PHACTR2: variants seen among roughly 807,000 people sequenced by gnomAD.
The protein encoded by PHACTR2 is chromosome 6 open reading frame 56.
In PHACTR2, 30 loss-of-function variants were observed where a neutral mutation model predicts 76.0. The observed-to-expected ratio is 0.39, with a 90% CI of 0.30 to 0.54. PHACTR2 has a LOEUF of 0.54. Among genes scored for constraint, PHACTR2 ranks in the 20% least tolerant of loss-of-function variants. The probability of loss-of-function intolerance (pLI) is 0.61; values close to 1 mark genes in which losing one functional copy is unlikely to be tolerated. For missense variants in PHACTR2, 696 were observed against 781.1 expected, an observed-to-expected ratio of 0.89 and a Z score of 1.30; for synonymous variants, 292 against 292.5, an observed-to-expected ratio of 1.00 and a Z score of 0.02.
chr6:143,562,511 C>T lies in PHACTR2; in HGVS notation c.217+25304C>T, dbSNP rs184546869. ...CTGCTCCCATGACGCAAACACCTCC[C>T]ACCAGGCCCCACCTCCAGCACTGGG... On this transcript the variant is annotated intron_variant, in intron 1 of 11. Transcript: ENST00000367584. The surrounding 1 kb of genome is among the most constrained non-coding windows in gnomAD (Gnocchi z 5.1). 7.2e-5 allele frequency among the ~76,000 whole-genome samples: 11 copies of T among 152,238 alleles called. No individual in the cohort carries two copies. The Middle Eastern group carries it at 0.01, about 141-fold the overall frequency.
In PHACTR2 at chr6:143,775,900, G is replaced by A. The variant is rs952660957; in HGVS notation, c.1590-1428G>A. On this transcript the variant is annotated intron_variant, in intron 8 of 12. Coordinates refer to ENST00000440869, the MANE Select transcript of PHACTR2 (RefSeq NM_001100164.2). This position sits in a 1 kb window ranked among gnomAD's most constrained non-coding sequence, Gnocchi z 4.4. ...AATCCCAGCACTTTGGGAGGCCAAG[G>A]CAGGCAGATCACCTGAGGTCAGGAG... Among the ~76,000 whole-genome samples the A allele has an allele frequency of 4.6e-5, 7 of 152,088 alleles. No homozygotes were observed. Among genetic ancestry groups the A allele is most frequent in the Non-Finnish European group, 8.8e-5 (6 of 68,000 alleles).
chr6:143,678,229 G>C lies in PHACTR2; in HGVS notation c.46+20G>C. 1 of 1,484,984 alleles carries C rather than the reference G, an allele frequency of 6.7e-7. No homozygotes were observed. Among genetic ancestry groups the C allele is most frequent in the South Asian group, 1.3e-5 (1 of 77,236 alleles). The allele number at this position is 1,484,984 out of a possible 1,614,324, so 92.0% of individuals were successfully genotyped here. On this transcript the variant is annotated intron_variant, in intron 1 of 12. Transcript: ENST00000440869. The surrounding 1 kb of genome is among the most constrained non-coding windows in gnomAD (Gnocchi z 6.2). ...GCAGCGGTGAGTCCGGGGCGCACGC[G>C]ATGCGCTCCCGCCGCGCGGGCGCAG...
intron 1 of PHACTR2, among the ~76,000 whole-genome samples, chr6:143,681,607 A>T (rs1374454336): frequency 6.6e-6 from 1 of 152,090 alleles, no homozygotes; most frequent in Non-Finnish European, 1.5e-5. Context: ...GCAGTTTATC[A>T]ATTTTTTTCT....
In PHACTR2 at chr6:143,739,210, G is replaced by A. The variant is rs9496764; in HGVS notation, c.215-9775G>A. Among the ~76,000 whole-genome samples the A allele has an allele frequency of 0.033, 5,068 of 152,122 alleles. 272 individuals are homozygous for A. Among genetic ancestry groups the A allele is most frequent in the African/African-American group, 0.12 (4,795 of 41,460 alleles). ...CTCCCAAGTAGCTGGGACTATAGGC[G>A]TGCACCACCACGCCCATCTAATTTT... On this transcript the variant is annotated intron_variant, in intron 2 of 12. Transcript: ENST00000440869. This position sits in a 1 kb window ranked among gnomAD's most constrained non-coding sequence, Gnocchi z 4.3.
chr6:143,692,943 G>C (rs952216623), intron 1 of PHACTR2, among the ~76,000 whole-genome samples: 5 of 152,116 alleles, frequency 3.3e-5, no homozygotes, highest in Admixed American at 2.6e-4. Context: ...GTGTCAGCAG[G>C]GTTAGCTTCT....
At position 143,625,581 on chromosome 6, in the gene PHACTR2, C is replaced by T. The variant is rs71564441; in HGVS notation, c.13+17259C>T. On this transcript the variant is annotated intron_variant, in intron 1 of 11. Coordinates refer to the PHACTR2 transcript ENST00000305766. This position sits in a 1 kb window ranked among gnomAD's most constrained non-coding sequence, Gnocchi z 4.3. ...GGTGTGTCTCCAATAGATGTAATAT[C>T]ACCAGTGACTGTGGGAACTTTGCAA... Among the ~76,000 whole-genome samples, 9,563 of 152,230 alleles carry T rather than the reference C, an allele frequency of 0.063. 324 individuals carry two copies. The highest frequency in any genetic ancestry group is 0.1 in the Middle Eastern group (30 of 294).
chr6:143,712,220 T>A, intron 2 of PHACTR2, 37 bp downstream of exon 2: 1 of 1,314,240 alleles, frequency 7.6e-7, no homozygotes, highest in Non-Finnish European at 1.0e-6. Context: ...ATGGGATAAA[T>A]TGTAAAACGT....
chr6:143,712,746 A>G (rs984290512), intron 2 of PHACTR2, among the ~76,000 whole-genome samples: 3 of 152,148 alleles, frequency 2.0e-5, no homozygotes, highest in Admixed American at 1.3e-4. Context: ...TTGATTTTAG[A>G]TTTCTATCAT....
intron 1 of PHACTR2, among the ~76,000 whole-genome samples, chr6:143,615,016 T>C (rs1430454294): frequency 6.6e-6 from 1 of 152,230 alleles, no homozygotes; most frequent in Admixed American, 6.5e-5. Flanking sequence ...CATATTTAGC[T>C]AAATGTCAAA....
Position 143,765,523 on chromosome 6 carries a change from T to C in PHACTR2, c.957T>C (p.Thr319=), listed in dbSNP as rs201869456. 101 of 1,614,234 alleles carry C rather than the reference T, an allele frequency of 6.3e-5. No homozygotes were observed. In the African/African-American group the frequency reaches 1.2e-3, roughly 20 times the overall value. Residue 319 remains threonine, a synonymous_variant, in exon 6 of 13, where the codon ACT becomes ACC. Coordinates refer to ENST00000440869, the MANE Select transcript of PHACTR2 (RefSeq NM_001100164.2). This position sits in a 1 kb window ranked among gnomAD's most constrained non-coding sequence, Gnocchi z 4.1. ...TGGAGAGTTTCAAACTCGAACAGAC[T>C]GTCCCTGGAGCTGAGGAGCAGAACA... The part of the protein sequence containing the change: ...TRVESFKLEQ[T]VPGAEEQNTG...
Position 143,627,943 on chromosome 6 carries a change from C to T in PHACTR2, c.13+19621C>T, listed in dbSNP as rs58709700. ...CCCTATACCCATTGTGCAGTCATGA[C>T]TATTGTCCCCCTCCCCCAGACTCTT... is the stretch of plus-strand genomic sequence containing the variant. On this transcript the variant is annotated intron_variant, in intron 1 of 11. Transcript: ENST00000305766. The surrounding 1 kb of genome is among the most constrained non-coding windows in gnomAD (Gnocchi z 4.3). Among the ~76,000 whole-genome samples, 2,533 of 152,240 alleles carry T rather than the reference C, an allele frequency of 0.017. 52 individuals are homozygous for T. The highest frequency in any genetic ancestry group is 0.058 in the African/African-American group (2,420 of 41,510).
rs1778902330 is a variant in PHACTR2, at chr6:143,739,859, CG to C, written c.215-9124del. On this transcript the variant is annotated intron_variant, in intron 2 of 12. Coordinates refer to ENST00000440869, the MANE Select transcript of PHACTR2 (RefSeq NM_001100164.2). The surrounding 1 kb of genome is among the most constrained non-coding windows in gnomAD (Gnocchi z 4.3). ...AATCACCTCTTCCCTCCTCCCACCT[CG>C]GTCTTATCTGTGACCTCCTACTACC... Among the ~76,000 whole-genome samples the C allele has an allele frequency of 6.6e-6, 1 of 152,114 alleles. No individual in the cohort carries two copies. Among genetic ancestry groups the C allele is most frequent in the African/African-American group, 2.4e-5 (1 of 41,422 alleles).
rs924299377 is a variant in PHACTR2 at position 143,621,597 on chromosome 6, T to A, written c.13+13275T>A. On this transcript the variant is annotated intron_variant, in intron 1 of 11. Transcript: ENST00000305766. This position sits in a 1 kb window ranked among gnomAD's most constrained non-coding sequence, Gnocchi z 4.1. ...CCAACCCTTGAATAGTGTGGGATTG[T>A]GCAAAGGAATGGAATTAGAGTTGTA... is the stretch of plus-strand genomic sequence containing the variant. 2.0e-5 allele frequency among the ~76,000 whole-genome samples: 3 copies of A among 152,204 alleles called. No homozygotes were observed. Among genetic ancestry groups the A allele is most frequent in the Non-Finnish European group, 4.4e-5 (3 of 68,038 alleles).
rs1048720378 is a variant in PHACTR2 at position 143,539,370 on chromosome 6, C to T, written c.217+2163C>T. On this transcript the variant is annotated intron_variant, in intron 1 of 11. Coordinates refer to the PHACTR2 transcript ENST00000367584. This position sits in a 1 kb window ranked among gnomAD's most constrained non-coding sequence, Gnocchi z 4.3. ...ACTGAGCCTCGGATCCCTTTAAGAGCAGACTAAATGTGATCAGGAGCTCCC... is the reference window on the plus strand; with the variant it reads ...ACTGAGCCTCGGATCCCTTTAAGAGTAGACTAAATGTGATCAGGAGCTCCC... 5.3e-5 allele frequency among the ~76,000 whole-genome samples: 8 copies of T among 152,186 alleles called. No individual in the cohort carries two copies. The highest frequency in any genetic ancestry group is 1.0e-4 in the Non-Finnish European group (7 of 68,032).
rs569617749 is a variant in PHACTR2, at chr6:143,543,659, G to T, written c.217+6452G>T. Among the ~76,000 whole-genome samples the T allele has an allele frequency of 1.3e-5, 2 of 152,270 alleles. No homozygotes were observed. The highest frequency in any genetic ancestry group is 2.9e-5 in the Non-Finnish European group (2 of 68,022). On this transcript the variant is annotated intron_variant, in intron 1 of 11. Coordinates refer to the PHACTR2 transcript ENST00000367584. This position sits in a 1 kb window ranked among gnomAD's most constrained non-coding sequence, Gnocchi z 4.7. ...GGATGGGAAACAGTACATGTAAAAG[G>T]CCTGAAACAAACTGGCATAATCAGA...
Position 143,641,941 on chromosome 6 carries a change from T to C in PHACTR2, c.13+33619T>C, listed in dbSNP as rs1562256717. On this transcript the variant is annotated intron_variant, in intron 1 of 11. Transcript: ENST00000305766. This position sits in a 1 kb window ranked among gnomAD's most constrained non-coding sequence, Gnocchi z 5.8. ...TGTGACACTAAAGAATGCCTAGATA[T>C]TTATGCATCTAACTAGGTAATCGTG... 6.6e-6 allele frequency among the ~76,000 whole-genome samples: 1 copy of C among 152,196 alleles called. No homozygotes were observed. The highest frequency in any genetic ancestry group is 1.5e-5 in the Non-Finnish European group (1 of 68,040).
chr6:143,545,949 G>C (rs989691385), intron 1 of PHACTR2, among the ~76,000 whole-genome samples: 2 of 152,140 alleles, frequency 1.3e-5, no homozygotes, highest in Non-Finnish European at 2.9e-5. Context: ...GTGTTTTCAG[G>C]CTAGCACATT....
chr6:143,796,745 C>CT (rs949188934), intron 11 of PHACTR2, among the ~76,000 whole-genome samples: 7 of 152,104 alleles, frequency 4.6e-5, no homozygotes, highest in Non-Finnish European at 7.3e-5. Flanking sequence ...TCAACTCATC[C>CT]TTTTTTATGG....
At chr6:143,691,352 C>G (rs1748348509) in intron 1 of PHACTR2, among the ~76,000 whole-genome samples, 1 of 151,914 alleles carries the variant, frequency 6.6e-6, no homozygotes, top group African/African-American at 2.4e-5. Context: ...GCAAAAGTTA[C>G]AAAATATCCA....
Sources: allele counts gnomAD v4.1 joint callset (sites outside exome capture counted in the v4.1 genomes callset), GRCh38; gene constraint gnomAD v4.1.1; non-coding constraint Gnocchi (gnomAD v3.1); transcripts MANE v1.5; gene names NCBI Gene and HGNC (gene_info 2026-07-23, HGNC 2026-07-21).